The following MECOM variants were observed in gnomAD, a reference collection of about 807,000 sequenced individuals.
MECOM encodes MDS1 and EVI1 complex locus.
In MECOM, 13 loss-of-function variants were observed where a neutral mutation model predicts 116.3. That is an observed-to-expected ratio of 0.11 (90% CI 0.07 to 0.18). The LOEUF (loss-of-function observed/expected upper bound fraction) is 0.18. Among genes scored for constraint, MECOM ranks in the 10% least tolerant of loss-of-function variants. The pLI, the probability that MECOM is intolerant of heterozygous loss-of-function variation, is 1.00. For missense variants in MECOM, 1,299 were observed against 1,509.0 expected, an observed-to-expected ratio of 0.86 and a Z score of 2.31; for synonymous variants, 528 against 535.2, an observed-to-expected ratio of 0.99 and a Z score of 0.19.
intron 2 of MECOM, among the ~76,000 whole-genome samples, chr3:169,246,976 AC>A (rs1577458614): frequency 6.6e-6 from 1 of 152,244 alleles, no homozygotes; most frequent in East Asian, 1.9e-4. Flanking sequence ...TGAAACATAC[AC>A]CCAATTCTCT....
At chr3:169,479,525 G>A (rs1750970199) in intron 1 of MECOM, among the ~76,000 whole-genome samples, 1 of 151,820 alleles carries the variant, frequency 6.6e-6, no homozygotes. Flanking sequence ...TAAAGATTAC[G>A]GCCTTCACAT....
intron 1 of MECOM, among the ~76,000 whole-genome samples, chr3:169,462,334 AT>A (rs1477357854): frequency 4.6e-5 from 7 of 152,210 alleles, no homozygotes; most frequent in Non-Finnish European, 1.0e-4. Flanking sequence ...CACATGCTGA[AT>A]GATGGGCTTA....
intron 1 of MECOM, among the ~76,000 whole-genome samples, chr3:169,512,857 G>A (rs1756153552): frequency 6.6e-6 from 1 of 151,938 alleles, no homozygotes; most frequent in Non-Finnish European, 1.5e-5. Context: ...ATCACCAGGA[G>A]TCTGACTTAC....
intron 2 of MECOM, among the ~76,000 whole-genome samples, chr3:169,175,633 C>T (rs111892014): frequency 1.4e-3 from 206 of 152,238 alleles, no homozygotes; most frequent in African/African-American, 4.8e-3. Context: ...ACTGAAGAAA[C>T]GGAAAGGTCC....
chr3:169,087,897 C>G (rs1193929231), intron 16 of MECOM, among the ~76,000 whole-genome samples: 6 of 152,176 alleles, frequency 3.9e-5, no homozygotes, highest in Admixed American at 3.9e-4. Flanking sequence ...CTAGGAGCCT[C>G]TGTAGATGGT....
At chr3:169,651,496 G>A (rs748150685) in intron 1 of MECOM, among the ~76,000 whole-genome samples, 9 of 152,054 alleles carry the variant, frequency 5.9e-5, no homozygotes, top group South Asian at 2.1e-4. Flanking sequence ...CATTTGCAGC[G>A]ACCTGGATGA....
chr3:169,289,473 A>G (rs887785335), intron 2 of MECOM, among the ~76,000 whole-genome samples: 7 of 152,200 alleles, frequency 4.6e-5, no homozygotes, highest in Non-Finnish European at 8.8e-5. Context: ...TTCATTATTT[A>G]AATGACCCAT....
At chr3:169,124,983 C>T (rs1306290176) in intron 5 of MECOM, among the ~76,000 whole-genome samples, 1 of 152,040 alleles carries the variant, frequency 6.6e-6, no homozygotes, top group African/African-American at 2.4e-5. Flanking sequence ...ATGAAGTGCC[C>T]ATTCTCATAT....
intron 2 of MECOM, among the ~76,000 whole-genome samples, chr3:169,317,565 A>C (rs944727251): frequency 6.6e-6 from 1 of 152,206 alleles, no homozygotes; most frequent in African/African-American, 2.4e-5. Context: ...AATTACTTCA[A>C]GAAACGAAAT....
In MECOM at chr3:169,467,925, G is replaced by T. The variant is rs117932798; in HGVS notation, c.38-86401C>A. Among the ~76,000 whole-genome samples the T allele has an allele frequency of 3.3e-5, 5 of 152,270 alleles. No individual in the cohort carries two copies. The East Asian group carries it at 9.6e-4, about 29-fold the overall frequency. The stretch of plus-strand genomic sequence containing the variant: ...GGGATGTAAATAAACATCTTTAAAT[G>T]TGTTAAAAGGCTTCTAAGATCTGAA... On this transcript the variant is annotated intron_variant, in intron 1 of 16. Transcript: ENST00000651503.
intron 1 of MECOM, among the ~76,000 whole-genome samples, chr3:169,501,295 A>G (rs1324280411): frequency 6.6e-6 from 1 of 152,002 alleles, no homozygotes; most frequent in Non-Finnish European, 1.5e-5. Flanking sequence ...CCCATTTCCT[A>G]TATCTCATAT....
intron 2 of MECOM, among the ~76,000 whole-genome samples, chr3:169,154,400 A>G (rs1275730025): frequency 6.9e-6 from 1 of 145,358 alleles, no homozygotes; most frequent in Non-Finnish European, 1.5e-5. Context: ...CATGACATCA[A>G]GTATTTAGTA....
intron 10 of MECOM, among the ~76,000 whole-genome samples, chr3:169,105,695 C>A (rs937512318): frequency 6.6e-6 from 1 of 151,800 alleles, no homozygotes; most frequent in African/African-American, 2.4e-5. Flanking sequence ...AGTTTTTTTC[C>A]TATGGAACAG....
intron 8 of MECOM, among the ~76,000 whole-genome samples, chr3:169,115,152 GA>G (rs530420809): frequency 0.014 from 2,088 of 152,066 alleles, 28 homozygotes; most frequent in Non-Finnish European, 0.021. Flanking sequence ...ATTGTCAAGG[GA>G]AAAAAATTCT....
intron 1 of MECOM, among the ~76,000 whole-genome samples, chr3:169,557,900 CA>C (rs1377550649): frequency 1.3e-5 from 2 of 152,168 alleles, no homozygotes; most frequent in Non-Finnish European, 2.9e-5. Flanking sequence ...GAAAGGCTTT[CA>C]ATTAGCCAAA....
intron 1 of MECOM, among the ~76,000 whole-genome samples, chr3:169,495,322 A>T (rs1445801755): frequency 6.6e-6 from 1 of 152,216 alleles, no homozygotes; most frequent in Non-Finnish European, 1.5e-5. Context: ...ACAGGGATGG[A>T]GCAGCAGATG....
At chr3:169,256,721 A>T (rs1414324045) in intron 2 of MECOM, among the ~76,000 whole-genome samples, 1 of 152,230 alleles carries the variant, frequency 6.6e-6, no homozygotes, top group Non-Finnish European at 1.5e-5. Flanking sequence ...ATCAGTAGAA[A>T]AAGGTTCAGT....
intron 1 of MECOM, among the ~76,000 whole-genome samples, chr3:169,464,656 T>C (rs1578172938): frequency 6.6e-6 from 1 of 152,144 alleles, no homozygotes; most frequent in East Asian, 1.9e-4. Context: ...CATTTAAATC[T>C]ATTGAGCTTT....
intron 2 of MECOM, among the ~76,000 whole-genome samples, chr3:169,174,474 T>A (rs924395345): frequency 5.3e-5 from 8 of 152,174 alleles, no homozygotes; most frequent in Admixed American, 3.9e-4. Flanking sequence ...TTGCAAAGAA[T>A]GTGATGCAAG....
Sources: allele counts gnomAD v4.1 joint callset (sites outside exome capture counted in the v4.1 genomes callset), GRCh38; gene constraint gnomAD v4.1.1; transcripts MANE v1.5; gene names NCBI Gene and HGNC (gene_info 2026-07-23, HGNC 2026-07-21).